The following WDR19 variants were observed in gnomAD, a reference collection of about 807,000 sequenced individuals.
The protein encoded by WDR19 is WD repeat domain 19.
A neutral mutation model predicts 180.0 loss-of-function variants in WDR19; 121 were observed. That is an observed-to-expected ratio of 0.67 (90% CI 0.58 to 0.78). The LOEUF is 0.78. Among genes scored for constraint, WDR19 ranks in the 30% least tolerant of loss-of-function variants. The probability of loss-of-function intolerance (pLI) is 0.00; values close to 1 mark genes in which losing one functional copy is unlikely to be tolerated. For missense variants in WDR19, 1,450 were observed against 1,640.7 expected (o/e 0.88, Z 2.01); for synonymous variants, 497 against 540.7 (o/e 0.92, Z 1.12).
intron 29 of WDR19, among the ~76,000 whole-genome samples, chr4:39,267,329 C>A (rs1230880313): frequency 1.3e-5 from 2 of 152,180 alleles, no homozygotes; most frequent in Non-Finnish European, 2.9e-5. Flanking sequence ...GTAGTGGTCC[C>A]TGAGTCCATT....
intron 14 of WDR19, among the ~76,000 whole-genome samples, chr4:39,220,133 A>G (rs1484717276): frequency 6.6e-6 from 1 of 152,110 alleles, no homozygotes; most frequent in Non-Finnish European, 1.5e-5. Flanking sequence ...AGGTGGGAAG[A>G]TCACTTGAGC....
chr4:39,230,578 A>C (rs1008381621), intron 17 of WDR19, among the ~76,000 whole-genome samples: 1 of 152,202 alleles, frequency 6.6e-6, no homozygotes, highest in African/African-American at 2.4e-5. Flanking sequence ...GAATTTATGC[A>C]AAAGACTTAG....
At position 39,216,161 on chromosome 4, in the gene WDR19, G is replaced by A. The variant is rs1455398806; in HGVS notation, c.1200G>A (p.Leu400=). ...PNFVAVGLYH[L]AVGMNNRAWF... The stretch of plus-strand genomic sequence containing the variant: ...TTGTGGCAGTAGGTCTTTATCATCT[G>A]GCTGTAGGAATGAATAATCGAGCTT... Residue 400 remains leucine (L), a synonymous_variant, in exon 12 of 37, where the codon CTG becomes CTA. Transcript: ENST00000399820. 1 of 1,591,882 alleles carries A rather than the reference G, an allele frequency of 6.3e-7. No individual in the cohort carries two copies. The highest frequency in any genetic ancestry group is 8.6e-7 in the Non-Finnish European group (1 of 1,168,996).
At chr4:39,238,914 A>G (rs931367625) in intron 20 of WDR19, among the ~76,000 whole-genome samples, 4 of 152,196 alleles carry the variant, frequency 2.6e-5, no homozygotes, top group African/African-American at 9.7e-5. Flanking sequence ...AATAAATTGA[A>G]ATAATAAAAG....
chr4:39,265,400 T>C (rs1734691892), intron 28 of WDR19, among the ~76,000 whole-genome samples: 1 of 152,144 alleles, frequency 6.6e-6, no homozygotes, highest in Admixed American at 6.5e-5. Flanking sequence ...GGAGGGCCCC[T>C]GGAATGATAC....
intron 9 of WDR19, among the ~76,000 whole-genome samples, chr4:39,213,507 T>C (rs779753240): frequency 3.3e-5 from 5 of 152,248 alleles, no homozygotes; most frequent in Non-Finnish European, 7.3e-5. Context: ...ATTTATATAA[T>C]GTTCTTGAAG....
intron 36 of WDR19, among the ~76,000 whole-genome samples, chr4:39,283,982 T>C (rs1315609927): frequency 1.3e-5 from 2 of 152,208 alleles, no homozygotes; most frequent in Admixed American, 1.3e-4. Flanking sequence ...ACTGGTTTCT[T>C]TCTGGCTACA....
chr4:39,191,645 T>C (rs4974990), intron 4 of WDR19, among the ~76,000 whole-genome samples: 68,701 of 152,110 alleles, frequency 0.45, 18,674 homozygotes, highest in East Asian at 0.62. Flanking sequence ...TAGCCATTTC[T>C]TTCCAGAGAA....
intron 9 of WDR19, among the ~76,000 whole-genome samples, chr4:39,206,479 C>G (rs1727964594): frequency 6.6e-6 from 1 of 152,042 alleles, no homozygotes; most frequent in African/African-American, 2.4e-5. Context: ...CTCTGTCCTC[C>G]CTTGGTCACA....
intron 30 of WDR19, among the ~76,000 whole-genome samples, chr4:39,269,298 G>T (rs1373351498): frequency 6.6e-6 from 1 of 152,052 alleles, no homozygotes; most frequent in Non-Finnish European, 1.5e-5. Flanking sequence ...TGAGGGTTTT[G>T]AAGGCATACT....
At chr4:39,219,777 A>G (rs1270531544) in intron 14 of WDR19, among the ~76,000 whole-genome samples, 1 of 152,192 alleles carries the variant, frequency 6.6e-6, no homozygotes, top group East Asian at 1.9e-4. Flanking sequence ...TAAATCTCCA[A>G]ATATTACATT....
intron 13 of WDR19, 116 bp downstream of exon 13, chr4:39,217,356 G>T: frequency 1.2e-6 from 1 of 805,902 alleles, no homozygotes; most frequent in Non-Finnish European, 2.0e-6. Flanking sequence ...AGAAAGCCAA[G>T]TGTGAGTAAA....
At chr4:39,228,181 G>A in intron 15 of WDR19, 29 bp from the exon 16 acceptor site, 1 of 1,608,472 alleles carries the variant, frequency 6.2e-7, no homozygotes, top group African/African-American at 1.3e-5. Context: ...GTACAGACTT[G>A]GGGCAAATCT....
At chr4:39,280,150 C>T (rs1736356858) in intron 36 of WDR19, among the ~76,000 whole-genome samples, 1 of 55,408 alleles carries the variant, frequency 1.8e-5, no homozygotes, top group African/African-American at 4.3e-5. Flanking sequence ...TTAATAGAGG[C>T]AGGGTCTCGC....
intron 21 of WDR19, 62 bp from the exon 22 acceptor site, chr4:39,244,186 T>C (rs1732259043): frequency 4.0e-6 from 6 of 1,508,674 alleles, no homozygotes; most frequent in Non-Finnish European, 5.4e-6. Flanking sequence ...TTCATTGTTC[T>C]GTCTTAAACA....
intron 6 of WDR19, among the ~76,000 whole-genome samples, chr4:39,200,534 G>A (rs1727262219): frequency 1.3e-5 from 2 of 152,096 alleles, no homozygotes; most frequent in Admixed American, 6.6e-5. Context: ...TATATTCAGG[G>A]CTTCAGTTTC....
chr4:39,264,104 C>T (rs1205206484), intron 28 of WDR19, among the ~76,000 whole-genome samples: 1 of 152,026 alleles, frequency 6.6e-6, no homozygotes, highest in East Asian at 1.9e-4. Flanking sequence ...CTGTCCAAGC[C>T]CTGTACATGT....
intron 6 of WDR19, among the ~76,000 whole-genome samples, chr4:39,203,013 G>A (rs1008766295): frequency 6.6e-6 from 1 of 151,968 alleles, no homozygotes; most frequent in Non-Finnish European, 1.5e-5. Context: ...CATCTTGGGA[G>A]CTACCAAATG....
intron 34 of WDR19, 153 bp downstream of exon 34, chr4:39,277,296 G>C (rs1435397573): frequency 3.4e-6 from 3 of 871,698 alleles, no homozygotes; most frequent in Admixed American, 3.2e-5. Flanking sequence ...AGTCAATACA[G>C]TTAAAGGTGA....
Sources: gnomAD v4.1 joint callset for allele counts (sites outside exome capture counted in the v4.1 genomes callset) on GRCh38, gnomAD v4.1.1 for gene constraint, MANE v1.5 for transcripts, NCBI Gene and HGNC (gene_info 2026-07-23, HGNC 2026-07-21) for gene names.